The following TMEM201 variants were observed in gnomAD, a reference collection of about 807,000 sequenced individuals.
TMEM201 encodes RP13-15M17.2.
A neutral mutation model predicts 63.4 loss-of-function variants in TMEM201; 26 were observed. The ratio of observed to expected loss-of-function variants is 0.41; its 90% CI spans 0.30 to 0.57. The LOEUF is 0.57. Ranked by LOEUF, TMEM201 falls within the 20% of genes least tolerant of loss-of-function variation. TMEM201 has a pLI of 0.29. For synonymous variants in TMEM201, 417 were observed against 421.6 expected (o/e 0.99, Z 0.14); for missense variants, 794 against 917.7 (o/e 0.87, Z 1.74).
chr1:9,589,301 C>T (rs1357565770), intron 1 of TMEM201, among the ~76,000 whole-genome samples: 1 of 151,900 alleles, frequency 6.6e-6, no homozygotes. Flanking sequence ...CAAACTTCCT[C>T]CGGGAGCCGC....
chr1:9,600,953 G>A (rs1402481125), intron 4 of TMEM201, 152 bp from the exon 5 acceptor site: 22 of 628,028 alleles, frequency 3.5e-5, no homozygotes, highest in Middle Eastern at 3.2e-4. Context: ...GAAGTGAGGC[G>A]GGCCGGTGGA....
In TMEM201 at chr1:9,603,713, C is replaced by T; in HGVS notation, c.1160+1441C>T. ...TGTGAATCTGCCACGCCTGGGGGTCCTAGAGGCTGCCCCACCCCAGTGATT... is the reference window on the plus strand; with the variant it reads ...TGTGAATCTGCCACGCCTGGGGGTCTTAGAGGCTGCCCCACCCCAGTGATT... On this transcript the variant is annotated intron_variant, in intron 6 of 10. Transcript: ENST00000340381. This position sits in a 1 kb window ranked among gnomAD's most constrained non-coding sequence, Gnocchi z 4.5. 1.0e-6 allele frequency: 1 copy of T among 985,440 alleles called. No homozygotes were observed. Among genetic ancestry groups the T allele is most frequent in the Non-Finnish European group, 1.2e-6 (1 of 829,934 alleles). The allele number at this position is 985,440 out of a possible 1,614,324, so 61.0% of individuals were successfully genotyped here. A position where few individuals can be genotyped will look rare whatever the true frequency, so the allele number is the denominator to read the frequency against.
Position 9,613,057 on chromosome 1 carries a change from G to A in TMEM201, c.1975G>A (p.Val659Met). 6.4e-7 allele frequency: 1 copy of A among 1,551,246 alleles called. No homozygotes were observed. The highest frequency in any genetic ancestry group is 8.7e-7 in the Non-Finnish European group (1 of 1,147,006). ...GGCCGCCAACGCCCTGTTCACCTCG[G>A]TGTTTCTGTACCAGAGCCTGCGCTG... ...SLAANALFTS[V>M]FLYQSLR Residue 659 changes from valine (V) to methionine (M), a missense_variant, in exon 11 of 11, where the codon GTG (valine) becomes ATG (methionine). Physicochemically the swap from Val to Met is conservative, Grantham distance 21. Coordinates refer to ENST00000340381, the MANE Select transcript of TMEM201 (RefSeq NM_001130924.3).
At chr1:9,598,740 AT>A in intron 4 of TMEM201, 115 bp downstream of exon 4, 1 of 1,027,898 alleles carries the variant, frequency 9.7e-7, no homozygotes, top group Non-Finnish European at 1.4e-6. Context: ...GAGCCCCTTT[AT>A]TTTTATTTTA....
Position 9,603,755 on chromosome 1 carries a change from C to T in TMEM201, c.1160+1483C>T. 1 of 985,436 alleles carries T rather than the reference C, an allele frequency of 1.0e-6. No individual in the cohort carries two copies. Among genetic ancestry groups the T allele is most frequent in the Non-Finnish European group, 1.2e-6 (1 of 829,936 alleles). 61.0% of individuals were successfully genotyped at this position (985,436 alleles called of 1,614,324 possible). ...CCAGTGATTGGGTAGCAGCTCACAT[C>T]CCACCCAGCTTCACAAGTGAGGAAC... On this transcript the variant is annotated intron_variant, in intron 6 of 10. Transcript: ENST00000340381. The surrounding 1 kb of genome is among the most constrained non-coding windows in gnomAD (Gnocchi z 4.5).
Position 9,607,831 on chromosome 1 carries a change from G to A in TMEM201, c.1393+42G>A, listed in dbSNP as rs1218110602. On this transcript the variant is annotated intron_variant, in intron 7 of 10. Transcript: ENST00000340381. This position sits in a 1 kb window ranked among gnomAD's most constrained non-coding sequence, Gnocchi z 5.4. ...CATTGGCAGACAGTCAGGGCTAGGG[G>A]CAGCTGGGACAGAACTGTGGATGGG... 2 of 1,532,386 alleles carry A rather than the reference G, an allele frequency of 1.3e-6. No homozygotes were observed. Among genetic ancestry groups the A allele is most frequent in the East Asian group, 2.4e-5 (1 of 40,836 alleles). 94.9% of individuals were successfully genotyped at this position (1,532,386 alleles called of 1,614,324 possible). A position where few individuals can be genotyped will look rare whatever the true frequency, so the allele number is the denominator to read the frequency against.
At chr1:9,596,117 C>A (rs1174410309) in intron 2 of TMEM201, 107 bp downstream of exon 2, 3 of 1,409,060 alleles carry the variant, frequency 2.1e-6, no homozygotes, top group Non-Finnish European at 2.9e-6. Context: ...GCTCATGGAC[C>A]CCACACCCTC....
chr1:9,601,007 C>T (rs1644128047), intron 4 of TMEM201, 98 bp from the exon 5 acceptor site: 2 of 1,085,110 alleles, frequency 1.8e-6, no homozygotes, highest in Admixed American at 4.8e-5. Context: ...TGTGTGAGAA[C>T]ATGGGTCTGG....
rs115989656 is a variant in TMEM201 at position 9,608,446 on chromosome 1, C to T, written c.1393+657C>T. Among the ~76,000 whole-genome samples the T allele has an allele frequency of 5.5e-3, 844 of 152,316 alleles. 6 individuals are homozygous for T. The highest frequency in any genetic ancestry group is 0.019 in the African/African-American group (810 of 41,562). ...GAGGAGATGCTGATAACAGCCAAGG[C>T]CCCTCTCCTCTCGTGCAGTTACAGG... On this transcript the variant is annotated intron_variant, in intron 7 of 10. Transcript: ENST00000340381. This position sits in a 1 kb window ranked among gnomAD's most constrained non-coding sequence, Gnocchi z 4.3.
chr1:9,588,981 C>A lies in TMEM201; in HGVS notation c.51C>A (p.Ala17=), dbSNP rs1175856086. 3 of 1,239,892 alleles carry A rather than the reference C, an allele frequency of 2.4e-6. No homozygotes were observed. The highest frequency in any genetic ancestry group is 3.6e-5 in the Admixed American group (1 of 27,478). 76.8% of individuals were successfully genotyped at this position (1,239,892 alleles called of 1,614,324 possible). Residue 17 remains alanine, a synonymous_variant, in exon 1 of 11, where the codon GCC becomes GCA. Transcript: ENST00000340381. The part of the protein sequence containing the change: ...LLARCPTAGL[A]GGLGVTACAA... ...CCCGCTGCCCCACGGCCGGCCTGGC[C>A]GGCGGCCTGGGGGTCACGGCGTGCG...
At position 9,610,029 on chromosome 1, in the gene TMEM201, C is replaced by G; in HGVS notation, c.1465+118C>G. The G allele has an allele frequency of 1.1e-6, 1 of 944,490 alleles. No individual in the cohort carries two copies. Among genetic ancestry groups the G allele is most frequent in the South Asian group, 1.5e-5 (1 of 67,938 alleles). The allele number at this position is 944,490 out of a possible 1,614,324, so 58.5% of individuals were successfully genotyped here. A position where few individuals can be genotyped will look rare whatever the true frequency, so the allele number is the denominator to read the frequency against. On this transcript the variant is annotated intron_variant, in intron 8 of 10. Coordinates refer to ENST00000340381, the MANE Select transcript of TMEM201 (RefSeq NM_001130924.3). The surrounding 1 kb of genome is among the most constrained non-coding windows in gnomAD (Gnocchi z 4.9). ...AGACCCCAAGTGTGTGTTCACATCT[C>G]AGCCCTGGGCAAGTGACCTACACAC...
Position 9,611,753 on chromosome 1 carries a change from A to G in TMEM201, c.1766A>G (p.Asp589Gly). 6.4e-7 allele frequency: 1 copy of G among 1,551,300 alleles called. No individual in the cohort carries two copies. The highest frequency in any genetic ancestry group is 8.7e-7 in the Non-Finnish European group (1 of 1,147,034). The change falls in exon 10 of 11, where the codon GAC becomes GGC. Residue 589 changes from aspartate (D) to glycine (G), a missense_variant and splice_region_variant. Physicochemically the swap from Asp to Gly is moderately conservative, Grantham distance 94 (BLOSUM62 -1). Coordinates refer to ENST00000340381, the MANE Select transcript of TMEM201 (RefSeq NM_001130924.3). ...GAGAAACACACCCTTCTCTCTGCAGACCTGAGATCCAAGCTGGAAAGAGGC... is the reference window on the plus strand; with the variant it reads ...GAGAAACACACCCTTCTCTCTGCAGGCCTGAGATCCAAGCTGGAAAGAGGC... ...PPLQDVKHAL[D>G]LRSKLERGSA...
At chr1:9,609,959 G>A (rs1333590033) in intron 8 of TMEM201, 48 bp downstream of exon 8, 41 of 1,524,710 alleles carry the variant, frequency 2.7e-5, no homozygotes, top group Non-Finnish European at 3.3e-5. Context: ...CATGAAGCCC[G>A]GGCGTTCCAG....
At position 9,610,052 on chromosome 1, in the gene TMEM201, C is replaced by A; in HGVS notation, c.1465+141C>A. 1 of 745,218 alleles carries A rather than the reference C, an allele frequency of 1.3e-6. No homozygotes were observed. The highest frequency in any genetic ancestry group is 2.3e-6 in the Non-Finnish European group (1 of 436,152). The allele number at this position is 745,218 out of a possible 1,614,324, so 46.2% of individuals were successfully genotyped here. A position where few individuals can be genotyped will look rare whatever the true frequency, so the allele number is the denominator to read the frequency against. ...CTCAGCCCTGGGCAAGTGACCTACA[C>A]ACCTGTGCCTCAGTTTCCTCTTGCG... On this transcript the variant is annotated intron_variant, in intron 8 of 10. Coordinates refer to ENST00000340381, the MANE Select transcript of TMEM201 (RefSeq NM_001130924.3). This position sits in a 1 kb window ranked among gnomAD's most constrained non-coding sequence, Gnocchi z 4.9.
rs555221712 is a variant in TMEM201 at position 9,602,293 on chromosome 1, T to G, written c.1160+21T>G. On this transcript the variant is annotated intron_variant, in intron 6 of 10. Transcript: ENST00000340381. ...CGAAGGTCAGAGAAGCAGCCATGAC[T>G]GCGGGGGGAGGACACACGGATGCTC... 4 of 1,609,390 alleles carry G rather than the reference T, an allele frequency of 2.5e-6. No individual in the cohort carries two copies. The East Asian group carries it at 8.9e-5, about 36-fold the overall frequency.
Position 9,607,834 on chromosome 1 carries a change from G to C in TMEM201, c.1393+45G>C. 6.6e-7 allele frequency: 1 copy of C among 1,526,542 alleles called. No individual in the cohort carries two copies. Among genetic ancestry groups the C allele is most frequent in the Admixed American group, 2.0e-5 (1 of 50,618 alleles). 94.6% of individuals were successfully genotyped at this position (1,526,542 alleles called of 1,614,324 possible). On this transcript the variant is annotated intron_variant, in intron 7 of 10. Coordinates refer to ENST00000340381, the MANE Select transcript of TMEM201 (RefSeq NM_001130924.3). This position sits in a 1 kb window ranked among gnomAD's most constrained non-coding sequence, Gnocchi z 5.4. ...TGGCAGACAGTCAGGGCTAGGGGCA[G>C]CTGGGACAGAACTGTGGATGGGTAC...
chr1:9,610,956 G>T lies in TMEM201; in HGVS notation c.1765+151G>T, dbSNP rs1644316495. On this transcript the variant is annotated intron_variant, in intron 9 of 10. Coordinates refer to ENST00000340381, the MANE Select transcript of TMEM201 (RefSeq NM_001130924.3). This position sits in a 1 kb window ranked among gnomAD's most constrained non-coding sequence, Gnocchi z 4.9. Reference sequence around the variant, plus strand: ...CTAGGCACCCCATTCCGGCTCTGGTGACTTGAACCCTCTGGGACATTGACC... The same window carrying T: ...CTAGGCACCCCATTCCGGCTCTGGTTACTTGAACCCTCTGGGACATTGACC... 14 of 1,513,728 alleles carry T rather than the reference G, an allele frequency of 9.2e-6. No individual in the cohort carries two copies. Among genetic ancestry groups the T allele is most frequent in the Non-Finnish European group, 8.8e-6 (10 of 1,132,826 alleles). 93.8% of individuals were successfully genotyped at this position (1,513,728 alleles called of 1,614,324 possible).
Position 9,597,060 on chromosome 1 carries a change from C to T in TMEM201, c.429+7C>T, listed in dbSNP as rs79416387. ...CTTCGCTCCCCGCGAGGAGGTGAGG[C>T]CGGGTTGGGAGGGCAGGGGTCCTGG... On this transcript the variant is annotated splice_region_variant and intron_variant, in intron 3 of 10. Coordinates refer to ENST00000340381, the MANE Select transcript of TMEM201 (RefSeq NM_001130924.3). The T allele has an allele frequency of 2.7e-3, 4,230 of 1,596,062 alleles. 6 individuals carry two copies. The highest frequency in any genetic ancestry group is 3.4e-3 in the Middle Eastern group (20 of 5,948).
intron 1 of TMEM201, 147 bp from the exon 2 acceptor site, chr1:9,595,743 G>A (rs1449586876): frequency 8.6e-7 from 1 of 1,168,586 alleles, no homozygotes; most frequent in Admixed American, 2.1e-5. Context: ...TGCTGTTCTG[G>A]GGCCAGCATC....
Sources: allele counts gnomAD v4.1 joint callset (sites outside exome capture counted in the v4.1 genomes callset), GRCh38; gene constraint gnomAD v4.1.1; non-coding constraint Gnocchi (gnomAD v3.1); transcripts MANE v1.5; gene names NCBI Gene and HGNC (gene_info 2026-07-23, HGNC 2026-07-21).